Variants in BICRA observed in about 807,000 individuals in gnomAD.
BICRA encodes the protein BRD4 interacting chromatin remodeling complex associated protein.
Under a neutral mutation model 96.9 loss-of-function variants are expected in BICRA, and 31 were observed. The observed-to-expected ratio is 0.32, with a 90% CI of 0.24 to 0.43. The LOEUF is 0.43. BICRA is among the 20% of genes least tolerant of loss of function. The probability of loss-of-function intolerance (pLI) is 1.00; values close to 1 mark genes in which losing one functional copy is unlikely to be tolerated. For synonymous variants in BICRA, 1,350 were observed against 1,071.8 expected, an observed-to-expected ratio of 1.26 and a Z score of -5.07; for missense variants, 2,283 against 2,190.3, an observed-to-expected ratio of 1.04 and a Z score of -0.84.
At chr19:47,622,451 G>T (rs1398849518) in intron 1 of BICRA, among the ~76,000 whole-genome samples, 1 of 150,952 alleles carries the variant, frequency 6.6e-6, no homozygotes, top group South Asian at 2.1e-4. Flanking sequence ...TGGGCCGGGC[G>T]TGGTGGCTCA....
Position 47,694,243 on chromosome 19 carries a change from C to A in BICRA, c.2412C>A (p.Pro804=). The part of the protein sequence containing the change: ...PHPTRPPSRP[P]SRPQSVSRPP... ...CCACCCGGCCCCCTTCCCGCCCACC[C>A]TCCCGGCCACAGAGTGTGTCCCGCC... Residue 804 remains proline (P), a synonymous_variant, in exon 8 of 15, where the codon CCC becomes CCA. Transcript: ENST00000594866. 1.0e-6 allele frequency: 1 copy of A among 980,366 alleles called. No individual in the cohort carries two copies. Among genetic ancestry groups the A allele is most frequent in the Non-Finnish European group, 1.5e-6 (1 of 671,680 alleles). The allele number at this position is 980,366 out of a possible 1,614,324, so 60.7% of individuals were successfully genotyped here.
Position 47,699,512 on chromosome 19 carries a change from C to G in BICRA, c.3595+107C>G. 1.4e-6 allele frequency: 1 copy of G among 692,222 alleles called. No individual in the cohort carries two copies. Among genetic ancestry groups the G allele is most frequent in the Non-Finnish European group, 2.6e-6 (1 of 387,648 alleles). 42.9% of individuals were successfully genotyped at this position (692,222 alleles called of 1,614,324 possible). A position where few individuals can be genotyped will look rare whatever the true frequency, so the allele number is the denominator to read the frequency against. On this transcript the variant is annotated intron_variant, in intron 14 of 14. Transcript: ENST00000594866. The surrounding 1 kb of genome is among the most constrained non-coding windows in gnomAD (Gnocchi z 5.0). Reference sequence around the variant, plus strand: ...AGTGGGTGTGTGGCCCTACCTCACTCCACCACTAGGCGGTGCCCCAGCTCC... The same window carrying G: ...AGTGGGTGTGTGGCCCTACCTCACTGCACCACTAGGCGGTGCCCCAGCTCC...
At chr19:47,617,044 T>C (rs1971995491) in intron 1 of BICRA, among the ~76,000 whole-genome samples, 1 of 151,660 alleles carries the variant, frequency 6.6e-6, no homozygotes, top group Non-Finnish European at 1.5e-5. Context: ...GCCAGGCTAG[T>C]CTCGAACTCC....
At chr19:47,685,365 G>T (rs529927917) in intron 7 of BICRA, among the ~76,000 whole-genome samples, 6 of 152,302 alleles carry the variant, frequency 3.9e-5, no homozygotes, top group Non-Finnish European at 7.4e-5. Context: ...ACACACAGAG[G>T]CTCGGAGGCA....
At position 47,694,632 on chromosome 19, in the gene BICRA, C is replaced by A; in HGVS notation, c.2801C>A (p.Ala934Glu). Reference sequence around the variant, plus strand: ...CTCCACCTGGTCCCTGAGCCGGCAGCACCCCCCCCACCGCCTCCTCGGACC... The same window carrying A: ...CTCCACCTGGTCCCTGAGCCGGCAGAACCCCCCCCACCGCCTCCTCGGACC... ...PTLHLVPEPA[A>E]PPPPPPRTFQ... Residue 934 changes from alanine (A) to glutamate (E), a missense_variant, in exon 8 of 15, where the codon GCA (alanine) becomes GAA (glutamate). Physicochemically the swap from Ala to Glu is moderately radical, Grantham distance 107. Coordinates refer to ENST00000594866, the MANE Select transcript of BICRA (RefSeq NM_001394372.1). The A allele has an allele frequency of 1.3e-6, 2 of 1,565,630 alleles. No homozygotes were observed. The highest frequency in any genetic ancestry group is 1.8e-6 in the Non-Finnish European group (2 of 1,138,482).
At chr19:47,700,976 C>A in intron 14 of BICRA, 1 of 347,788 alleles carries the variant, frequency 2.9e-6, no homozygotes, top group East Asian at 6.7e-5. Flanking sequence ...AGGGGTCTCA[C>A]TACTGTGGCC....
At chr19:47,610,682 C>T (rs1045223047) in intron 1 of BICRA, among the ~76,000 whole-genome samples, 2 of 151,274 alleles carry the variant, frequency 1.3e-5, no homozygotes, top group Admixed American at 6.6e-5. Context: ...TTCTCTTACA[C>T]CTCTTTACGG....
chr19:47,624,916 A>G (rs1205638703), intron 1 of BICRA, among the ~76,000 whole-genome samples: 2 of 139,002 alleles, frequency 1.4e-5, no homozygotes, highest in African/African-American at 2.7e-5. Context: ...CTGGCCTTGA[A>G]CTCCCGGGCT....
At chr19:47,613,214 G>T (rs555252114) in intron 1 of BICRA, among the ~76,000 whole-genome samples, 18 of 152,156 alleles carry the variant, frequency 1.2e-4, no homozygotes, top group Admixed American at 7.9e-4. Context: ...GTTCCTGGGG[G>T]TGTATAAGGC....
At position 47,673,848 on chromosome 19, in the gene BICRA, A is replaced by G. The variant is rs563176294; in HGVS notation, c.84+86A>G. 2.9e-4 allele frequency: 342 copies of G among 1,169,042 alleles called. No individual in the cohort carries two copies. In the African/African-American group the frequency reaches 4.5e-3, roughly 15 times the overall value. 72.4% of individuals were successfully genotyped at this position (1,169,042 alleles called of 1,614,324 possible). On this transcript the variant is annotated intron_variant, in intron 4 of 14. Coordinates refer to ENST00000594866, the MANE Select transcript of BICRA (RefSeq NM_001394372.1). Reference sequence around the variant, plus strand: ...GGACAGGGAGAGACATGTCCCTTTGATGAGGTAGCCATCTGCCTTGTGGCT... The same window carrying G: ...GGACAGGGAGAGACATGTCCCTTTGGTGAGGTAGCCATCTGCCTTGTGGCT...
In BICRA at chr19:47,614,549, G is replaced by GGAGGTTGCGGTGAGCC. The variant is rs531170128; in HGVS notation, c.-108+5385_-108+5400dup. On this transcript the variant is annotated intron_variant, in intron 1 of 14. Coordinates refer to ENST00000594866, the MANE Select transcript of BICRA (RefSeq NM_001394372.1). Reference sequence around the variant, plus strand: ...GGGGAATTGCTTGAATGCAGGAGGCGGAGGTTGCGGTGAGCCGAGATTGCG... The same window carrying GGAGGTTGCGGTGAGCC: ...GGGGAATTGCTTGAATGCAGGAGGCGGAGGTTGCGGTGAGCCGAGGTTGCGGTGAGCCGAGATTGCG... 2.6e-4 allele frequency among the ~76,000 whole-genome samples: 39 copies of GGAGGTTGCGGTGAGCC among 152,334 alleles called. No homozygotes were observed. The South Asian group carries it at 7.9e-3, about 31-fold the overall frequency.
chr19:47,671,036 G>C (rs1318486115), intron 2 of BICRA, among the ~76,000 whole-genome samples: 1 of 152,212 alleles, frequency 6.6e-6, no homozygotes, highest in Non-Finnish European at 1.5e-5. Flanking sequence ...AGATGCATGT[G>C]TCTCTGTGCT....
chr19:47,653,842 G>GT (rs1972575611), intron 1 of BICRA, among the ~76,000 whole-genome samples: 2 of 152,130 alleles, frequency 1.3e-5, no homozygotes, highest in East Asian at 1.9e-4. Context: ...GTTTTGTTTT[G>GT]TTTTTTTGAA....
chr19:47,634,380 C>CT (rs2123526667), intron 1 of BICRA, among the ~76,000 whole-genome samples: 1 of 152,314 alleles, frequency 6.6e-6, no homozygotes, highest in East Asian at 1.9e-4. Context: ...GCTGTGCCCA[C>CT]TTTGGTGGGA....
At chr19:47,688,557 G>A (rs1027803810) in intron 7 of BICRA, among the ~76,000 whole-genome samples, 2 of 152,050 alleles carry the variant, frequency 1.3e-5, no homozygotes, top group Non-Finnish European at 2.9e-5. Flanking sequence ...TTGGGAAGCC[G>A]AGTTGGGTGG....
chr19:47,652,840 A>C (rs1245897686), intron 1 of BICRA, among the ~76,000 whole-genome samples: 1 of 151,892 alleles, frequency 6.6e-6, no homozygotes, highest in Non-Finnish European at 1.5e-5. Flanking sequence ...TGTCATATAC[A>C]CCCTTCCTGA....
rs1973395479 is a variant in BICRA, at chr19:47,698,991, A to G, written c.3424A>G (p.Thr1142Ala). The change falls in exon 13 of 15, where the codon ACG becomes GCG. Residue 1142 changes from threonine (T) to alanine (A), a missense_variant. Physicochemically the swap from Thr to Ala is moderately conservative, Grantham distance 58 (BLOSUM62 0). Transcript: ENST00000594866. The surrounding 1 kb of genome is among the most constrained non-coding windows in gnomAD (Gnocchi z 4.8). ...GGACGAGGAGTTTGAGACGGTCTCC[A>G]CGCAGCTGCTGAAACGCACCCAGGC... The part of the protein sequence containing the change: ...KVDEEFETVS[T>A]QLLKRTQAML... 2 of 1,586,464 alleles carry G rather than the reference A, an allele frequency of 1.3e-6. No homozygotes were observed. The highest frequency in any genetic ancestry group is 1.2e-5 in the South Asian group (1 of 86,694).
chr19:47,697,483 T>C (rs1373612349), intron 11 of BICRA, among the ~76,000 whole-genome samples: 1 of 151,620 alleles, frequency 6.6e-6, no homozygotes, highest in Non-Finnish European at 1.5e-5. Flanking sequence ...GTTTTTGTTT[T>C]GTTTTGTTTT....
chr19:47,695,114 CG>C, intron 9 of BICRA, 34 bp downstream of exon 9: 1 of 1,406,472 alleles, frequency 7.1e-7, no homozygotes, highest in Non-Finnish European at 9.5e-7. Flanking sequence ...CCCAGGGAGA[CG>C]GGGCCTGAAG....
Sources: gnomAD v4.1 joint callset for allele counts (sites outside exome capture counted in the v4.1 genomes callset) on GRCh38, gnomAD v4.1.1 for gene constraint, Gnocchi (gnomAD v3.1) non-coding constraint, MANE v1.5 for transcripts, NCBI Gene and HGNC (gene_info 2026-07-23, HGNC 2026-07-21) for gene names.